Variants in BACE2 observed in about 807,000 individuals in gnomAD.
The protein encoded by BACE2 is 56 kDa aspartic-like protease.
In BACE2, 17 loss-of-function variants were observed where a neutral mutation model predicts 46.2. The observed-to-expected ratio is 0.37, with a 90% CI of 0.25 to 0.55. The LOEUF (loss-of-function observed/expected upper bound fraction) is 0.55, where lower values mean the gene tolerates loss of function less well. BACE2 is among the 20% of genes least tolerant of loss of function. The pLI is 0.82. For synonymous variants in BACE2, 277 were observed against 295.9 expected, an observed-to-expected ratio of 0.94 and a Z score of 0.66; for missense variants, 595 against 698.1, an observed-to-expected ratio of 0.85 and a Z score of 1.66.
intron 1 of BACE2, among the ~76,000 whole-genome samples, chr21:41,187,683 A>G (rs1375614574): frequency 6.6e-6 from 1 of 152,176 alleles, no homozygotes; most frequent in Non-Finnish European, 1.5e-5. Flanking sequence ...TGTGATGTGT[A>G]GATACTGAGC....
rs1392938318 is a variant in BACE2 at position 41,246,113 on chromosome 21, C to G, written c.984+50C>G. On this transcript the variant is annotated intron_variant, in intron 6 of 8. Transcript: ENST00000330333. The stretch of plus-strand genomic sequence containing the variant: ...TCCCCGAGTTGCTGAGTTACAGTCA[C>G]CTGCTGAGGAGCAGCACTGCGTGTT... The G allele has an allele frequency of 2.1e-6, 3 of 1,446,384 alleles. No homozygotes were observed. The South Asian group carries it at 3.7e-5, about 18-fold the overall frequency. 89.6% of individuals were successfully genotyped at this position (1,446,384 alleles called of 1,614,324 possible).
chr21:41,236,110 G>C (rs550341467), intron 2 of BACE2, among the ~76,000 whole-genome samples: 4 of 152,320 alleles, frequency 2.6e-5, no homozygotes, highest in African/African-American at 9.6e-5. Flanking sequence ...AGCATGGTTT[G>C]AGTTCATAGA....
intron 8 of BACE2, among the ~76,000 whole-genome samples, chr21:41,259,251 T>A (rs1402192684): frequency 3.9e-5 from 6 of 152,202 alleles, no homozygotes; most frequent in Admixed American, 2.0e-4. Flanking sequence ...GTTCCTTTTT[T>A]AAAAATGTAC....
At chr21:41,227,386 C>T (rs1288930443) in intron 2 of BACE2, among the ~76,000 whole-genome samples, 5 of 151,988 alleles carry the variant, frequency 3.3e-5, no homozygotes, top group South Asian at 2.1e-4. Flanking sequence ...TGTTTTGTTC[C>T]GGGAAATAAA....
At chr21:41,239,768 G>C (rs1434699739) in intron 3 of BACE2, among the ~76,000 whole-genome samples, 1 of 152,238 alleles carries the variant, frequency 6.6e-6, no homozygotes, top group Admixed American at 6.5e-5. Flanking sequence ...TGTCTGCAGA[G>C]CCAGGGCTGG....
intron 2 of BACE2, among the ~76,000 whole-genome samples, chr21:41,233,184 G>T (rs535845291): frequency 3.0e-4 from 45 of 152,212 alleles, no homozygotes; most frequent in African/African-American, 9.9e-4. Flanking sequence ...CCTGAAAAAA[G>T]GCAGCAAATG....
Position 41,246,000 on chromosome 21 carries a change from G to A in BACE2, c.921G>A (p.Thr307=), listed in dbSNP as rs780858735. ...ADKAIVDSGT[T]LLRLPQKVFD... is the part of the protein sequence containing the mutation. ...AGGCCATCGTGGACAGTGGCACCACGCTGCTGCGCCTGCCCCAGAAGGTGT... is the reference window on the plus strand; with the variant it reads ...AGGCCATCGTGGACAGTGGCACCACACTGCTGCGCCTGCCCCAGAAGGTGT... The change falls in exon 6 of 9, where the codon ACG becomes ACA. Residue 307 remains threonine, a synonymous_variant. Transcript: ENST00000330333. 1.2e-5 allele frequency: 19 copies of A among 1,611,200 alleles called. No homozygotes were observed. Among genetic ancestry groups the A allele is most frequent in the East Asian group, 4.5e-5 (2 of 44,788 alleles).
In BACE2 at chr21:41,275,969, A is replaced by G. The variant is rs1278962341; in HGVS notation, c.*345A>G. ...CTTGGCTCGTTCTCTTCTCTCTTCAATCTCTGGAAAAATAAGTACATATAG... is the reference window on the plus strand; with the variant it reads ...CTTGGCTCGTTCTCTTCTCTCTTCAGTCTCTGGAAAAATAAGTACATATAG... On this transcript the variant is annotated 3_prime_UTR_variant, in exon 9 of 9. Transcript: ENST00000330333. 16 of 250,310 alleles carry G rather than the reference A, an allele frequency of 6.4e-5. No homozygotes were observed. The highest frequency in any genetic ancestry group is 4.0e-4 in the Admixed American group (8 of 20,248). The allele number at this position is 250,310 out of a possible 1,614,324, so 15.5% of individuals were successfully genotyped here. A position where few individuals can be genotyped will look rare whatever the true frequency, so the allele number is the denominator to read the frequency against.
chr21:41,257,104 C>T (rs1987806307), intron 7 of BACE2, 54 bp from the exon 8 acceptor site: 1 of 1,607,502 alleles, frequency 6.2e-7, no homozygotes, highest in Non-Finnish European at 8.5e-7. Context: ...TTTTGTGATA[C>T]TGCCTGATTT....
chr21:41,186,068 A>G (rs890457988), intron 1 of BACE2: 4 of 152,362 alleles, frequency 2.6e-5, no homozygotes, highest in African/African-American at 9.6e-5. Context: ...GCTTCAAGGC[A>G]CCTAAACCGT....
At chr21:41,237,411 A>C in intron 2 of BACE2, 102 bp from the exon 3 acceptor site, 1 of 835,976 alleles carries the variant, frequency 1.2e-6, no homozygotes, top group Non-Finnish European at 1.7e-6. Flanking sequence ...CCGCCACTGC[A>C]CTCCAGCCTG....
At chr21:41,175,617 C>G (rs1028690143) in intron 1 of BACE2, 1 of 152,770 alleles carries the variant, frequency 6.5e-6, no homozygotes, top group African/African-American at 2.4e-5. Context: ...CAAACCCCCA[C>G]CAGCAGCACC....
intron 7 of BACE2, 69 bp downstream of exon 7, chr21:41,250,970 T>C: frequency 7.0e-7 from 1 of 1,419,696 alleles, no homozygotes; most frequent in East Asian, 2.4e-5. Context: ...GCATGACACG[T>C]GTATTAGATG....
intron 8 of BACE2, among the ~76,000 whole-genome samples, chr21:41,268,249 G>A (rs1161599859): frequency 6.6e-6 from 1 of 152,142 alleles, no homozygotes; most frequent in East Asian, 1.9e-4. Context: ...TAAGTAACTT[G>A]GCCCAGATCA....
chr21:41,238,476 G>A (rs1045195322), intron 3 of BACE2, among the ~76,000 whole-genome samples: 2 of 152,220 alleles, frequency 1.3e-5, no homozygotes, highest in African/African-American at 2.4e-5. Context: ...AGGGGTGTGT[G>A]CAGGGCTCCT....
At chr21:41,191,993 A>G (rs1416569380) in intron 1 of BACE2, among the ~76,000 whole-genome samples, 3 of 152,152 alleles carry the variant, frequency 2.0e-5, no homozygotes, top group Non-Finnish European at 4.4e-5. Context: ...CAGCCAAACC[A>G]TTGGCTACGG....
At chr21:41,259,176 G>C (rs1204565162) in intron 8 of BACE2, among the ~76,000 whole-genome samples, 1 of 151,958 alleles carries the variant, frequency 6.6e-6, no homozygotes, top group Non-Finnish European at 1.5e-5. Flanking sequence ...CTCTAGGCAG[G>C]GCAACTTTTT....
chr21:41,197,887 T>G (rs1048919327), intron 1 of BACE2, among the ~76,000 whole-genome samples: 1 of 152,194 alleles, frequency 6.6e-6, no homozygotes, highest in African/African-American at 2.4e-5. Flanking sequence ...CTAAGCTGCC[T>G]CTTGTGTGTT....
intron 1 of BACE2, among the ~76,000 whole-genome samples, chr21:41,171,832 C>T (rs1984621253): frequency 6.6e-6 from 1 of 152,174 alleles, no homozygotes; most frequent in Admixed American, 6.5e-5. Context: ...AAGCAGACAG[C>T]AAAACTATTC....
Sources: allele counts gnomAD v4.1 joint callset (sites outside exome capture counted in the v4.1 genomes callset), GRCh38; gene constraint gnomAD v4.1.1; transcripts MANE v1.5; gene names NCBI Gene and HGNC (gene_info 2026-07-23, HGNC 2026-07-21).